The following PKHD1L1 variants were observed in gnomAD, a reference collection of about 807,000 sequenced individuals.
The protein encoded by PKHD1L1 is fibrocystin-L.
Under a neutral mutation model 462.9 loss-of-function variants are expected in PKHD1L1, and 434 were observed. The observed-to-expected ratio is 0.94, with a 90% confidence interval of 0.87 to 1.02. The LOEUF is 1.02. PKHD1L1 is among the 50% of genes least tolerant of loss of function. PKHD1L1 has a pLI of 0.00. For synonymous variants in PKHD1L1, 1,781 were observed against 1,750.0 expected, an observed-to-expected ratio of 1.02 and a Z score of -0.44; for missense variants, 5,202 against 5,096.1, an observed-to-expected ratio of 1.02 and a Z score of -0.63.
intron 2 of PKHD1L1, among the ~76,000 whole-genome samples, chr8:109,381,111 G>A (rs555508553): frequency 7.4e-4 from 112 of 152,300 alleles, no homozygotes; most frequent in Admixed American, 2.7e-3. Flanking sequence ...TATCCAAGGG[G>A]ATGGTGGAAC....
rs1246582174 is a variant in PKHD1L1, at chr8:109,406,384, T to G, written c.1719T>G (p.Asn573Lys). 1 of 1,566,956 alleles carries G rather than the reference T, an allele frequency of 6.4e-7. No individual in the cohort carries two copies. The change falls in exon 17 of 78, where the codon AAT becomes AAG. Residue 573 changes from asparagine to lysine, a missense_variant. Physicochemically the swap from Asn to Lys is moderately conservative, Grantham distance 94 (BLOSUM62 0). Around this residue, in one of 3 missense-constraint regions of PKHD1L1, gnomAD observed 4,497 missense variants for 4,336.8 expected, o/e 1.04. Transcript: ENST00000378402. ...ASEFILQSAL[N>K]DLWSIKPDTV... ...AATTCATACTGCAATCAGCCTTGAATGACCTCTGGTCTATAAAACCGGACA... is the reference window on the plus strand; with the variant it reads ...AATTCATACTGCAATCAGCCTTGAAGGACCTCTGGTCTATAAAACCGGACA...
At chr8:109,450,056 GTTAA>G in intron 40 of PKHD1L1, among the ~76,000 whole-genome samples, 1 of 152,272 alleles carries the variant, frequency 6.6e-6, no homozygotes, top group Middle Eastern at 3.4e-3. Context: ...TTTATTTTTA[GTTAA>G]TGGTTAAGAG....
At chr8:109,370,628 A>G (rs1362047841) in intron 2 of PKHD1L1, among the ~76,000 whole-genome samples, 2 of 152,054 alleles carry the variant, frequency 1.3e-5, no homozygotes, top group East Asian at 1.9e-4. Context: ...ATTTAGCATT[A>G]GGTATATCTA....
At chr8:109,500,080 G>T (rs939148085) in intron 67 of PKHD1L1, among the ~76,000 whole-genome samples, 6 of 152,128 alleles carry the variant, frequency 3.9e-5, no homozygotes, top group Non-Finnish European at 5.9e-5. Context: ...GATGAGAGAT[G>T]GGTGTACCAG....
At chr8:109,466,916 C>A in intron 50 of PKHD1L1, 147 bp downstream of exon 50, 1 of 753,624 alleles carries the variant, frequency 1.3e-6, no homozygotes, top group Non-Finnish European at 2.1e-6. Flanking sequence ...ACAAATAATA[C>A]TCTCGAAGTA....
chr8:109,435,093 A>G, intron 28 of PKHD1L1, 97 bp from the exon 29 acceptor site: 2 of 1,302,490 alleles, frequency 1.5e-6, no homozygotes, highest in Non-Finnish European at 2.1e-6. Flanking sequence ...CGTGAGATCT[A>G]AAAATGAAGG....
chr8:109,387,019 G>A (rs548436661), intron 6 of PKHD1L1, among the ~76,000 whole-genome samples: 66 of 152,206 alleles, frequency 4.3e-4, no homozygotes, highest in African/African-American at 1.4e-3. Flanking sequence ...ATCTATTAAT[G>A]TTTGGGCAAG....
rs1586348447 is a variant in PKHD1L1, at chr8:109,362,723, T to C, written c.73+70T>C. On this transcript the variant is annotated intron_variant, in intron 1 of 77. Coordinates refer to ENST00000378402, the MANE Select transcript of PKHD1L1 (RefSeq NM_177531.6). ...GTAGACACTACCCCTGCTCCCGGGGTCCTGGGAGAGGCAGGACCACCTGGC... is the reference window on the plus strand; with the variant it reads ...GTAGACACTACCCCTGCTCCCGGGGCCCTGGGAGAGGCAGGACCACCTGGC... 8.6e-6 allele frequency: 13 copies of C among 1,505,098 alleles called. No individual in the cohort carries two copies. In the East Asian group the frequency reaches 2.9e-4, roughly 34 times the overall value. The allele number at this position is 1,505,098 out of a possible 1,614,324, so 93.2% of individuals were successfully genotyped here.
At position 109,491,121 on chromosome 8, in the gene PKHD1L1, G is replaced by T; in HGVS notation, c.10114+20G>T. 6.3e-7 allele frequency: 1 copy of T among 1,596,968 alleles called. No individual in the cohort carries two copies. Among genetic ancestry groups the T allele is most frequent in the Admixed American group, 1.7e-5 (1 of 59,316 alleles). On this transcript the variant is annotated intron_variant, in intron 61 of 77. Transcript: ENST00000378402. ...GGGAAGGTAATATAATAATATTTTG[G>T]TTCAAATTACACATCCTGTGGAGGC...
At chr8:109,517,147 G>A (rs1020354317) in intron 72 of PKHD1L1, among the ~76,000 whole-genome samples, 2 of 152,038 alleles carry the variant, frequency 1.3e-5, no homozygotes, top group Non-Finnish European at 2.9e-5. Context: ...AAACAACTCC[G>A]CCACTGCCCT....
At chr8:109,445,689 T>G (rs373595092) in intron 38 of PKHD1L1, 44 bp downstream of exon 38, 132 of 1,468,588 alleles carry the variant, frequency 9.0e-5, no homozygotes, top group Middle Eastern at 3.5e-4. Context: ...ATAGTATCGA[T>G]AATATTTATT....
At chr8:109,469,015 G>T (rs1817586056) in intron 50 of PKHD1L1, among the ~76,000 whole-genome samples, 2 of 152,050 alleles carry the variant, frequency 1.3e-5, no homozygotes, top group South Asian at 4.1e-4. Flanking sequence ...CTAATCTTTG[G>T]AATCTCAAGA....
rs1011373993 is a variant in PKHD1L1 at position 109,507,885 on chromosome 8, A to G, written c.11217A>G (p.Ala3739=). Residue 3739 remains alanine, a synonymous_variant, in exon 69 of 78, where the codon GCA becomes GCG. Transcript: ENST00000378402. ...GTAGAATTCCTGTCACTGAGAAAGC[A>G]CCTCATAAAGGTTTGTTGGATCTTG... ...NGSRIPVTEK[A]PHKGIIRDST... 2 of 1,613,480 alleles carry G rather than the reference A, an allele frequency of 1.2e-6. No individual in the cohort carries two copies. Among genetic ancestry groups the G allele is most frequent in the African/African-American group, 2.7e-5 (2 of 75,008 alleles).
At chr8:109,415,623 G>A (rs559815397) in intron 21 of PKHD1L1, among the ~76,000 whole-genome samples, 1 of 151,866 alleles carries the variant, frequency 6.6e-6, no homozygotes, top group South Asian at 2.1e-4. Flanking sequence ...TCCTTCCTGT[G>A]GAACTGGAAT....
chr8:109,473,427 A>G (rs1245981491), intron 50 of PKHD1L1, among the ~76,000 whole-genome samples: 1 of 151,958 alleles, frequency 6.6e-6, no homozygotes, highest in Non-Finnish European at 1.5e-5. Context: ...GAGGCAGGAG[A>G]ATTGCTTGAA....
chr8:109,420,156 G>A (rs988520013), intron 22 of PKHD1L1, among the ~76,000 whole-genome samples: 1 of 152,150 alleles, frequency 6.6e-6, no homozygotes, highest in Non-Finnish European at 1.5e-5. Context: ...ACATCCTAGT[G>A]AGCACCACAT....
At chr8:109,511,027 T>A in intron 71 of PKHD1L1, 93 bp downstream of exon 71, 1 of 1,391,756 alleles carries the variant, frequency 7.2e-7, no homozygotes, top group Non-Finnish European at 9.8e-7. Flanking sequence ...GTTCTAACAT[T>A]GTCAGCCTTA....
intron 70 of PKHD1L1, among the ~76,000 whole-genome samples, chr8:109,509,479 G>T (rs1819863470): frequency 1.3e-5 from 2 of 151,400 alleles, no homozygotes; most frequent in Admixed American, 1.3e-4. Context: ...TCAATTTAAA[G>T]AAGTCTTATG....
At chr8:109,473,818 T>C (rs1586585863) in intron 50 of PKHD1L1, among the ~76,000 whole-genome samples, 1 of 152,116 alleles carries the variant, frequency 6.6e-6, no homozygotes, top group Non-Finnish European at 1.5e-5. Context: ...TAACTCCACA[T>C]GTACTCGTTC....
Sources: gnomAD v4.1 joint callset for allele counts (sites outside exome capture counted in the v4.1 genomes callset) on GRCh38, gnomAD v4.1.1 for gene constraint, gnomAD v4.1.1 regional missense constraint, MANE v1.5 for transcripts, NCBI Gene and HGNC (gene_info 2026-07-23, HGNC 2026-07-21) for gene names.